The following ZNF75A variants were observed in gnomAD, a reference collection of about 807,000 sequenced individuals.
ZNF75A encodes the protein zinc finger protein 75A.
ZNF75A carries 36 observed loss-of-function variants against 46.3 expected under a neutral mutation model. The observed-to-expected ratio is 0.78, with a 90% CI of 0.60 to 1.03. ZNF75A has a LOEUF of 1.03. ZNF75A is among the 50% of genes least tolerant of loss of function. The pLI, the probability that ZNF75A is intolerant of heterozygous loss-of-function variation, is 0.00. For missense variants in ZNF75A, 595 were observed against 551.3 expected, an observed-to-expected ratio of 1.08 and a Z score of -0.79; for synonymous variants, 234 against 189.9, an observed-to-expected ratio of 1.23 and a Z score of -1.91.
intron 5 of ZNF75A, chr16:3,315,103 C>T (rs1325144210): frequency 1.0e-6 from 1 of 984,932 alleles, no homozygotes; most frequent in Non-Finnish European, 1.2e-6. Context: ...TTCCCTTTCC[C>T]CAAACCTTCT....
rs768120342 is a variant in ZNF75A at position 3,317,554 on chromosome 16, A to G, written c.1299A>G (p.Gln433=). ...IHTEEKPYKC[Q]QCDKRFRWSS... ...CTGAAGAGAAACCCTATAAATGTCA[A>G]CAGTGTGATAAGAGGTTTAGATGGA... The change falls in exon 7 of 7, where the codon CAA becomes CAG. Residue 433 remains glutamine (Q), a synonymous_variant. Coordinates refer to ENST00000669516, the MANE Select transcript of ZNF75A (RefSeq NM_001302109.2). The G allele has an allele frequency of 1.9e-6, 3 of 1,614,170 alleles. No homozygotes were observed. The highest frequency in any genetic ancestry group is 3.3e-5 in the Admixed American group (2 of 60,026).
intron 1 of ZNF75A, chr16:3,307,961 T>C (rs980698385): frequency 6.6e-6 from 1 of 152,232 alleles, no homozygotes; most frequent in South Asian, 2.1e-4. Flanking sequence ...GTTTTCCTAA[T>C]CTTATTTTCT....
chr16:3,305,786 C>A (rs1007642207), intron 1 of ZNF75A, 143 bp downstream of exon 1: 2 of 152,218 alleles, frequency 1.3e-5, no homozygotes, highest in Non-Finnish European at 2.9e-5. Context: ...GGGCCACCGT[C>A]GGGCACGAGA....
rs1257685865 is a variant in ZNF75A at position 3,318,276 on chromosome 16, CTTTT to C, written c.*408_*411del. On this transcript the variant is annotated 3_prime_UTR_variant, in exon 7 of 7. Transcript: ENST00000669516. ...CCAGGAACCAAATTGGATTTTCTTT[CTTTT>C]GTCATTGGACACGGTTTGCAAAGTT... 8 of 989,780 alleles carry C rather than the reference CTTTT, an allele frequency of 8.1e-6. No homozygotes were observed. The East Asian group carries it at 5.6e-4, about 69-fold the overall frequency. The allele number at this position is 989,780 out of a possible 1,614,324, so 61.3% of individuals were successfully genotyped here.
At chr16:3,323,121 CA>C (rs143414069), downstream of ZNF75A, 140 of 529,816 alleles carry the variant, frequency 2.6e-4, no homozygotes, top group African/African-American at 2.5e-3. Context: ...AAAAAAATCT[CA>C]AAAAAACAAA....
chr16:3,322,359 T>C (rs2029975587), downstream of ZNF75A, among the ~76,000 whole-genome samples: 1 of 152,208 alleles, frequency 6.6e-6, no homozygotes, highest in African/African-American at 2.4e-5. Flanking sequence ...GCTACATGCC[T>C]AGGTTTCCTT....
At chr16:3,310,679 A>G in intron 2 of ZNF75A, 1 of 985,616 alleles carries the variant, frequency 1.0e-6, no homozygotes, top group Non-Finnish European at 1.2e-6. Context: ...GCACAAGAAA[A>G]GAAAACATAG....
chr16:3,318,302 A>T lies in ZNF75A; in HGVS notation c.*433A>T, dbSNP rs1418253775. On this transcript the variant is annotated 3_prime_UTR_variant, in exon 7 of 7. Transcript: ENST00000669516. ...TTTTGTCATTGGACACGGTTTGCAA[A>T]GTTGGACATCACTTGAGTTCCTTCT... The T allele has an allele frequency of 7.1e-6, 7 of 990,252 alleles. No homozygotes were observed. The highest frequency in any genetic ancestry group is 1.7e-5 in the African/African-American group (1 of 57,296). The allele number at this position is 990,252 out of a possible 1,614,324, so 61.3% of individuals were successfully genotyped here. A position where few individuals can be genotyped will look rare whatever the true frequency, so the allele number is the denominator to read the frequency against.
rs181639359 is a variant in ZNF75A at position 3,311,271 on chromosome 16, C to G, written c.409-482C>G. Among the ~76,000 whole-genome samples the G allele has an allele frequency of 3.9e-5, 6 of 152,114 alleles. No homozygotes were observed. The East Asian group carries it at 7.7e-4, about 20-fold the overall frequency. On this transcript the variant is annotated intron_variant, in intron 2 of 6. Transcript: ENST00000669516. ...TGACCAACATGAAGAAACCCCGTCT[C>G]TACTAAAAATGCAAAAATTAGCCAG...
At chr16:3,313,812 G>T (rs1241371984) in intron 5 of ZNF75A, among the ~76,000 whole-genome samples, 7 of 152,092 alleles carry the variant, frequency 4.6e-5, no homozygotes, top group African/African-American at 7.2e-5. Context: ...ATATTACCAG[G>T]GCTCCAGGAC....
At chr16:3,306,136 A>C (rs1960207352) in intron 1 of ZNF75A, 1 of 152,184 alleles carries the variant, frequency 6.6e-6, no homozygotes, top group East Asian at 1.9e-4. Context: ...CATCCTGGGC[A>C]GAATTTCGGT....
At chr16:3,312,403 T>C (rs1960878397) in intron 3 of ZNF75A, 2 of 152,270 alleles carry the variant, frequency 1.3e-5, no homozygotes, top group Admixed American at 1.3e-4. Context: ...AAGATATCTT[T>C]AATTTTTGCC....
chr16:3,316,837 T>C, intron 5 of ZNF75A, 75 bp from the exon 6 acceptor site: 2 of 1,003,078 alleles, frequency 2.0e-6, no homozygotes, highest in Non-Finnish European at 3.1e-6. Flanking sequence ...TTGGTCATCC[T>C]GAAACAGTCT....
In ZNF75A at chr16:3,318,825, C is replaced by G; in HGVS notation, c.*956C>G. 1.7e-5 allele frequency: 17 copies of G among 985,342 alleles called. No individual in the cohort carries two copies. The highest frequency in any genetic ancestry group is 2.0e-5 in the Non-Finnish European group (17 of 829,918). The allele number at this position is 985,342 out of a possible 1,614,324, so 61.0% of individuals were successfully genotyped here. On this transcript the variant is annotated 3_prime_UTR_variant, in exon 7 of 7. Transcript: ENST00000669516. ...GACATGTAGTCAGCAGGAGACGGTT[C>G]CCTAAATAAAAGATTTGGGCACTGG...
chr16:3,308,730 C>T lies in ZNF75A; in HGVS notation c.302C>T (p.Pro101Leu). 2 of 991,262 alleles carry T rather than the reference C, an allele frequency of 2.0e-6. No homozygotes were observed. Among genetic ancestry groups the T allele is most frequent in the Non-Finnish European group, 1.2e-6 (1 of 832,436 alleles). The allele number at this position is 991,262 out of a possible 1,614,324, so 61.4% of individuals were successfully genotyped here. ...CTGGAGCAGTTCCTGACTATTCTGC[C>T]CAGGGAGACACAGACCCAGATGCAG... is the stretch of plus-strand genomic sequence containing the variant. ...LVLEQFLTIL[P>L]RETQTQMQKH... Residue 101 changes from proline to leucine, a missense_variant, in exon 2 of 7, where the codon CCC becomes CTC. Transcript: ENST00000669516.
At position 3,310,718 on chromosome 16, in the gene ZNF75A, A is replaced by C. The variant is rs1241405313; in HGVS notation, c.409-1035A>C. 5 of 985,524 alleles carry C rather than the reference A, an allele frequency of 5.1e-6. No individual in the cohort carries two copies. In the African/African-American group the frequency reaches 8.7e-5, roughly 17 times the overall value. The allele number at this position is 985,524 out of a possible 1,614,324, so 61.0% of individuals were successfully genotyped here. Reference sequence around the variant, plus strand: ...AAAGGGAAACAAAGATTTGGAAAAAAGAAAAATCCCAACAGAATAGCCAAG... The same window carrying C: ...AAAGGGAAACAAAGATTTGGAAAAACGAAAAATCCCAACAGAATAGCCAAG... On this transcript the variant is annotated intron_variant, in intron 2 of 6. Coordinates refer to ENST00000669516, the MANE Select transcript of ZNF75A (RefSeq NM_001302109.2).
chr16:3,317,259 C>A lies in ZNF75A; in HGVS notation c.1004C>A (p.Ser335Ter), dbSNP rs758914572. ...VSLSDLEIQASAGVISKKAKV... is the reference protein window; with the variant it reads ...VSLSDLEIQA The stretch of plus-strand genomic sequence containing the variant: ...CTTTCTGACTTAGAAATACAAGCAT[C>A]AGCAGGCGTCATATCAAAAAAGGCC... The change falls in exon 7 of 7, where the codon TCA becomes TAA. Residue 335 changes from serine to a stop codon, truncating the protein, a stop_gained. Coordinates refer to ENST00000669516, the MANE Select transcript of ZNF75A (RefSeq NM_001302109.2). LOFTEE classifies it high-confidence loss of function. 6.2e-7 allele frequency: 1 copy of A among 1,614,018 alleles called. No homozygotes were observed. The highest frequency in any genetic ancestry group is 2.2e-5 in the East Asian group (1 of 44,876).
At chr16:3,319,764 C>A (rs1170156317), downstream of ZNF75A, among the ~76,000 whole-genome samples, 1 of 151,506 alleles carries the variant, frequency 6.6e-6, no homozygotes, top group Non-Finnish European at 1.5e-5. Context: ...GCATTGTGAG[C>A]CTCTGGCTGA....
At position 3,313,064 on chromosome 16, in the gene ZNF75A, G is replaced by T. The variant is rs1428291017; in HGVS notation, c.712G>T (p.Glu238Ter). The part of the protein sequence containing the change: ...LPESQSLLTF[E>*]EVAMYFSQEE... ...TCTTCTTTAGAGCTTGTTGACATTT[G>T]AAGAAGTGGCCATGTATTTTTCCCA... The change falls in exon 5 of 7, where the codon GAA becomes TAA. Residue 238 changes from glutamate (E) to a stop codon, truncating the protein, a stop_gained. Transcript: ENST00000669516. LOFTEE classifies it high-confidence loss of function. The T allele has an allele frequency of 1.2e-6, 2 of 1,613,310 alleles. No individual in the cohort carries two copies. Among genetic ancestry groups the T allele is most frequent in the Non-Finnish European group, 1.7e-6 (2 of 1,179,492 alleles).
Sources: gnomAD v4.1 joint callset for allele counts (sites outside exome capture counted in the v4.1 genomes callset) on GRCh38, gnomAD v4.1.1 for gene constraint, MANE v1.5 for transcripts, NCBI Gene and HGNC (gene_info 2026-07-23, HGNC 2026-07-21) for gene names.